Variants in DACH2 observed in about 807,000 individuals in gnomAD.
DACH2 encodes dachshund family transcription factor 2, also known as dachshund homolog 2.
DACH2 carries 17 observed loss-of-function variants against 35.8 expected under a neutral mutation model. The ratio of observed to expected loss-of-function variants is 0.48; its 90% CI spans 0.33 to 0.71. The LOEUF is 0.71. DACH2 is among the 30% of genes least tolerant of loss of function. The pLI is 0.02. For synonymous variants in DACH2, 195 were observed against 177.3 expected (o/e 1.10, Z -0.79); for missense variants, 469 against 472.7 (o/e 0.99, Z 0.07).
chrX:86,376,834 C>T lies in DACH2; in HGVS notation c.499C>T (p.Gln167Ter). 1 of 969,777 alleles carries T rather than the reference C, an allele frequency of 1.0e-6. No individual in the cohort carries two copies. Among genetic ancestry groups the T allele is most frequent in the Non-Finnish European group, 1.5e-6 (1 of 686,744 alleles). 79.9% of individuals were successfully genotyped at this position (969,777 alleles called of 1,213,427 possible). A position where few individuals can be genotyped will look rare whatever the true frequency, so the allele number is the denominator to read the frequency against. The change falls in exon 2 of 12, where the codon CAA becomes TAA. Residue 167 changes from glutamine (Q) to a stop codon, truncating the protein, a stop_gained. Coordinates refer to ENST00000373125, the MANE Select transcript of DACH2 (RefSeq NM_053281.3). LOFTEE classifies it high-confidence loss of function. ...TDCTNARRKR[Q>*]MTRKQAVNSS... ...ACACTCTCCTTTTAGAAGGAAGAGG[C>T]AAATGACAAGAAAACAAGCTGTTAA...
chrX:86,750,880 G>T (rs1020949514), intron 7 of DACH2, among the ~76,000 whole-genome samples: 1 of 111,543 alleles, frequency 9.0e-6, no homozygotes, highest in Non-Finnish European at 1.9e-5. Flanking sequence ...TTGTTATTGT[G>T]CATAATACTG....
intron 3 of DACH2, among the ~76,000 whole-genome samples, chrX:86,602,459 C>A (rs1402498265): frequency 1.8e-5 from 2 of 111,839 alleles, no homozygotes; most frequent in Non-Finnish European, 3.8e-5. Context: ...TTTGCATTCC[C>A]ATTGGCAATG....
At chrX:86,657,692 A>G (rs779097513) in intron 4 of DACH2, among the ~76,000 whole-genome samples, 1 of 111,497 alleles carries the variant, frequency 9.0e-6, no homozygotes, top group Admixed American at 9.6e-5. Context: ...AGAAAATTTT[A>G]AAAATGAGTT....
chrX:86,450,580 A>G (rs1039776400), intron 2 of DACH2, among the ~76,000 whole-genome samples: 3 of 111,005 alleles, frequency 2.7e-5, no homozygotes, highest in African/African-American at 3.3e-5. Flanking sequence ...TCCTTCGGGT[A>G]TGTCCCCAGT....
At chrX:86,812,787 A>G (rs1362463336) in intron 7 of DACH2, 69 bp from the exon 8 acceptor site, 1 of 754,617 alleles carries the variant, frequency 1.3e-6, no homozygotes, top group African/African-American at 2.2e-5. Context: ...GATGCTTAGT[A>G]GAGGTGGCTT....
chrX:86,379,183 C>T (rs1215447988), intron 2 of DACH2, among the ~76,000 whole-genome samples: 3 of 111,086 alleles, frequency 2.7e-5, no homozygotes, highest in Non-Finnish European at 3.8e-5. Context: ...TTCCATCTAG[C>T]AAAATTCCTT....
At position 86,373,483 on chromosome X, in the gene DACH2, G is replaced by T. The variant is rs990458161; in HGVS notation, c.489-3341G>T. Among the ~76,000 whole-genome samples, 4 of 111,008 alleles carry T rather than the reference G, an allele frequency of 3.6e-5. 1 individual carries two copies. The highest frequency in any genetic ancestry group is 1.3e-4 in the African/African-American group (4 of 30,589). On this transcript the variant is annotated intron_variant, in intron 1 of 11. Coordinates refer to ENST00000373125, the MANE Select transcript of DACH2 (RefSeq NM_053281.3). The stretch of plus-strand genomic sequence containing the variant: ...ATAAAACAGATATGACAGTCTTTGG[G>T]AGGACATTAAAGAAGTGGTTCTCTA...
At chrX:86,309,423 A>G (rs2034753771) in intron 1 of DACH2, among the ~76,000 whole-genome samples, 1 of 112,303 alleles carries the variant, frequency 8.9e-6, no homozygotes, top group Non-Finnish European at 1.9e-5. Context: ...TTCAGCTGGC[A>G]AGGACAGCAA....
chrX:86,760,500 A>G (rs1398684504), intron 7 of DACH2, among the ~76,000 whole-genome samples: 1 of 111,490 alleles, frequency 9.0e-6, no homozygotes, highest in Non-Finnish European at 1.9e-5. Flanking sequence ...TGAAACTTTC[A>G]GATGTGTTTT....
At chrX:86,626,572 C>T (rs2040140647) in intron 3 of DACH2, among the ~76,000 whole-genome samples, 1 of 113,113 alleles carries the variant, frequency 8.8e-6, no homozygotes, top group Admixed American at 9.3e-5. Context: ...ACATGTTCTC[C>T]ATGAGAGCCC....
At chrX:86,152,750 A>C (rs2030408789) in intron 1 of DACH2, among the ~76,000 whole-genome samples, 1 of 111,772 alleles carries the variant, frequency 8.9e-6, no homozygotes. Context: ...TTTTTAAATG[A>C]TGATAAAAAT....
intron 1 of DACH2, among the ~76,000 whole-genome samples, chrX:86,230,034 T>C (rs1290281130): frequency 9.0e-6 from 1 of 111,101 alleles, no homozygotes; most frequent in African/African-American, 3.3e-5. Context: ...ATCCTTGTCA[T>C]GTTCCCGTTC....
At chrX:86,356,162 T>G (rs1274974648) in intron 1 of DACH2, among the ~76,000 whole-genome samples, 1 of 112,181 alleles carries the variant, frequency 8.9e-6, no homozygotes. Context: ...TTTATAATTT[T>G]AGGTTTTACA....
At chrX:86,270,039 A>ATTT (rs764916607) in intron 1 of DACH2, among the ~76,000 whole-genome samples, 1 of 94,058 alleles carries the variant, frequency 1.1e-5, no homozygotes, top group Non-Finnish European at 2.1e-5. Context: ...ATATATATAT[A>ATTT]TTTTTTTTTT....
At chrX:86,667,540 AG>A (rs1569463631) in intron 4 of DACH2, among the ~76,000 whole-genome samples, 10 of 52,725 alleles carry the variant, frequency 1.9e-4, no homozygotes, top group Non-Finnish European at 3.0e-4. Flanking sequence ...AAAGAAAGAA[AG>A]AAAGAAGAAA....
chrX:86,446,086 C>T (rs2037268876), intron 2 of DACH2, among the ~76,000 whole-genome samples: 1 of 110,200 alleles, frequency 9.1e-6, no homozygotes, highest in Non-Finnish European at 1.9e-5. Flanking sequence ...TGAATTAATC[C>T]CTTTATCATT....
At chrX:86,301,666 A>T (rs1342975159) in intron 1 of DACH2, among the ~76,000 whole-genome samples, 1 of 112,070 alleles carries the variant, frequency 8.9e-6, no homozygotes, top group Non-Finnish European at 1.9e-5. Flanking sequence ...TATGACATTG[A>T]AAAAATGTAA....
intron 11 of DACH2, chrX:86,828,125 A>G: frequency 5.6e-6 from 1 of 179,126 alleles, no homozygotes; most frequent in Admixed American, 7.1e-5. Context: ...TTTAAGACAG[A>G]GAAAATGCTA....
chrX:86,715,794 A>C (rs747653426), intron 6 of DACH2, among the ~76,000 whole-genome samples: 1 of 111,141 alleles, frequency 9.0e-6, no homozygotes, highest in Non-Finnish European at 1.9e-5. Context: ...GATTTTATCT[A>C]CCTTTAAGAA....
Sources: allele counts gnomAD v4.1 joint callset (sites outside exome capture counted in the v4.1 genomes callset), GRCh38; gene constraint gnomAD v4.1.1; transcripts MANE v1.5; gene names NCBI Gene and HGNC (gene_info 2026-07-23, HGNC 2026-07-21).